The following KMT2C variants were observed in gnomAD, a reference collection of about 807,000 sequenced individuals.
The protein encoded by KMT2C is histone-lysine N-methyltransferase 2C.
In KMT2C, 88 loss-of-function variants were observed where a neutral mutation model predicts 507.9. The observed-to-expected ratio is 0.17, with a 90% CI of 0.15 to 0.21. The LOEUF (loss-of-function observed/expected upper bound fraction) is 0.21. Among genes scored for constraint, KMT2C ranks in the 10% least tolerant of loss-of-function variants. KMT2C has a pLI of 1.00. For missense variants in KMT2C, 4,954 were observed against 5,957.8 expected (o/e 0.83, Z 5.55); for synonymous variants, 2,049 against 2,080.8 (o/e 0.98, Z 0.42).
At chr7:152,413,068 T>C (rs905495193) in intron 1 of KMT2C, among the ~76,000 whole-genome samples, 18 of 152,148 alleles carry the variant, frequency 1.2e-4, no homozygotes, top group Admixed American at 2.6e-4. Flanking sequence ...TCTACACTTC[T>C]GAGAAAAAAA....
chr7:152,297,059 G>GAAAGAAAGACAGAAAGAAAGAAAGAA (rs1563767704), intron 6 of KMT2C, among the ~76,000 whole-genome samples: 2 of 64,396 alleles, frequency 3.1e-5, no homozygotes, highest in African/African-American at 1.2e-4. Context: ...GAAAGACAGA[G>GAAAGAAAGACAGAAAGAAAGAAAGAA]AGAGAGAGAG....
chr7:152,243,110 T>C (rs1242913126), intron 14 of KMT2C, among the ~76,000 whole-genome samples: 1 of 152,216 alleles, frequency 6.6e-6, no homozygotes, highest in African/African-American at 2.4e-5. Flanking sequence ...AAGTCTCATA[T>C]ATAAAATTGA....
intron 28 of KMT2C, chr7:152,195,666 T>TA (rs2093940221): frequency 4.6e-6 from 2 of 434,000 alleles, no homozygotes; most frequent in African/African-American, 4.3e-5. Flanking sequence ...AGCAAGACTT[T>TA]AAGGCAACAT....
At chr7:152,185,765 A>C (rs1180785093) in intron 33 of KMT2C, 134 bp from the exon 34 acceptor site, 1 of 606,132 alleles carries the variant, frequency 1.6e-6, no homozygotes, top group Non-Finnish European at 2.9e-6. Context: ...ACCTATATTA[A>C]GTTTTTTACA....
At chr7:152,318,488 T>C (rs1038938181) in intron 3 of KMT2C, among the ~76,000 whole-genome samples, 1 of 118,226 alleles carries the variant, frequency 8.5e-6, no homozygotes, top group Non-Finnish European at 1.6e-5. Context: ...TAGCCAGGCA[T>C]TGATGGTGTG....
At chr7:152,161,804 T>C (rs571386853) in intron 43 of KMT2C, among the ~76,000 whole-genome samples, 5 of 152,354 alleles carry the variant, frequency 3.3e-5, no homozygotes, top group Admixed American at 1.3e-4. Context: ...ATAAAGTACA[T>C]AGACATTTAC....
At chr7:152,312,281 G>C (rs1372698000) in intron 4 of KMT2C, 1 of 166,066 alleles carries the variant, frequency 6.0e-6, no homozygotes, top group African/African-American at 2.4e-5. Context: ...CATAAACTGA[G>C]TATTTCCTTT....
intron 7 of KMT2C, among the ~76,000 whole-genome samples, chr7:152,265,903 T>C (rs2095851321): frequency 6.6e-6 from 1 of 152,266 alleles, no homozygotes; most frequent in South Asian, 2.1e-4. Flanking sequence ...TAAATGTGGA[T>C]TAAAAGAAAA....
intron 1 of KMT2C, among the ~76,000 whole-genome samples, chr7:152,419,310 C>T (rs2097765020): frequency 6.6e-6 from 1 of 151,990 alleles, no homozygotes; most frequent in Non-Finnish European, 1.5e-5. Context: ...GAGATCATGC[C>T]ACTGGGCTCC....
intron 33 of KMT2C, among the ~76,000 whole-genome samples, chr7:152,186,763 C>T (rs1234541365): frequency 6.6e-6 from 1 of 152,120 alleles, no homozygotes; most frequent in East Asian, 1.9e-4. Context: ...ATCCAAATTT[C>T]TCATTCACTG....
chr7:152,172,884 T>A (rs889411871), intron 39 of KMT2C, among the ~76,000 whole-genome samples: 3 of 152,208 alleles, frequency 2.0e-5, no homozygotes, highest in African/African-American at 7.2e-5. Flanking sequence ...GGTTTATTGC[T>A]AAATTTGTTA....
At chr7:152,282,229 G>C (rs1477526530) in intron 6 of KMT2C, among the ~76,000 whole-genome samples, 1 of 150,934 alleles carries the variant, frequency 6.6e-6, no homozygotes, top group East Asian at 2.0e-4. Context: ...CCCAAGAGGT[G>C]GAGGCTGCAG....
Position 152,158,920 on chromosome 7 carries a change from G to A in KMT2C, c.11613C>T (p.Asp3871=), listed in dbSNP as rs369567780. 238 of 1,614,076 alleles carry A rather than the reference G, an allele frequency of 1.5e-4. No homozygotes were observed. The highest frequency in any genetic ancestry group is 1.9e-4 in the Non-Finnish European group (223 of 1,180,008). Residue 3871 remains aspartate, a synonymous_variant, in exon 44 of 59, where the codon GAC becomes GAT. Transcript: ENST00000262189. ...AGTACATAGCTTGTTTCTCCTCTTC[G>A]TCCTTTTTCCTTTTCTTTGAGCGAG... ...AAPRSKKRKK[D]EEEKQAMYSS...
At chr7:152,183,877 C>A (rs1443609332) in intron 34 of KMT2C, among the ~76,000 whole-genome samples, 4 of 150,254 alleles carry the variant, frequency 2.7e-5, no homozygotes, top group Non-Finnish European at 4.4e-5. Context: ...GCCTGGGCAA[C>A]AAGAGCAAAA....
In KMT2C at chr7:152,144,673, C is replaced by T. The variant is rs559397397; in HGVS notation, c.14343+40G>A. The stretch of plus-strand genomic sequence containing the variant: ...AATAGCTTCAGATTGCTAGACTCCA[C>T]CCTGTCTCTCCACTTCCTGTACACA... On this transcript the variant is annotated intron_variant, in intron 55 of 58. Transcript: ENST00000262189. This position sits in a 1 kb window ranked among gnomAD's most constrained non-coding sequence, Gnocchi z 4.4. 6.3e-7 allele frequency: 1 copy of T among 1,583,538 alleles called. No homozygotes were observed. Among genetic ancestry groups the T allele is most frequent in the South Asian group, 1.1e-5 (1 of 88,296 alleles).
chr7:152,393,539 G>C (rs1211456723), intron 1 of KMT2C, among the ~76,000 whole-genome samples: 1 of 152,146 alleles, frequency 6.6e-6, no homozygotes, highest in Admixed American at 6.5e-5. Context: ...TATCATGGCT[G>C]CAAGGAACAT....
chr7:152,152,884 C>T lies in KMT2C; in HGVS notation c.12347G>A (p.Ser4116Asn), dbSNP rs2129097676. The change falls in exon 49 of 59, where the codon AGC becomes AAC. Residue 4116 changes from serine (S) to asparagine (N), a missense_variant. Ser to Asn is a conservative substitution (Grantham distance 46). This residue lies in a region of KMT2C where 417 missense variants were observed against 461.1 expected (regional missense o/e 0.90). Transcript: ENST00000262189. ...CATGGATGGGACATCTGGAGCACTG[C>T]TAACCTCATAGCTGTTAGGGATTCG... Reference protein sequence around the residue: ...HVRIPNSYEVSSAPDVPSMGL... With the variant: ...HVRIPNSYEVNSAPDVPSMGL... The T allele has an allele frequency of 6.2e-7, 1 of 1,614,206 alleles. No homozygotes were observed. Among genetic ancestry groups the T allele is most frequent in the Non-Finnish European group, 8.5e-7 (1 of 1,180,040 alleles).
At chr7:152,205,708 T>A (rs1486093020) in intron 24 of KMT2C, among the ~76,000 whole-genome samples, 1 of 152,232 alleles carries the variant, frequency 6.6e-6, no homozygotes, top group Admixed American at 6.5e-5. Context: ...TTTATTTTTT[T>A]AAATGAATTT....
chr7:152,229,705 T>A (rs1422669912), intron 18 of KMT2C, among the ~76,000 whole-genome samples: 1 of 152,210 alleles, frequency 6.6e-6, no homozygotes, highest in Non-Finnish European at 1.5e-5. Flanking sequence ...TTTTATGTTT[T>A]ACTTTTTCAA....
Sources: gnomAD v4.1 joint callset for allele counts (sites outside exome capture counted in the v4.1 genomes callset) on GRCh38, gnomAD v4.1.1 for gene constraint, gnomAD v4.1.1 regional missense constraint, Gnocchi (gnomAD v3.1) non-coding constraint, MANE v1.5 for transcripts, NCBI Gene and HGNC (gene_info 2026-07-23, HGNC 2026-07-21) for gene names.